LHFPL2: variants seen among roughly 807,000 people sequenced by gnomAD.
LHFPL2 encodes LHFPL tetraspan subfamily member 2.
A neutral mutation model predicts 17.5 loss-of-function variants in LHFPL2; 7 were observed. The ratio of observed to expected loss-of-function variants is 0.40; its 90% CI spans 0.23 to 0.75. The LOEUF is 0.75. Among genes scored for constraint, LHFPL2 ranks in the 30% least tolerant of loss-of-function variants. The pLI is 0.37. For synonymous variants in LHFPL2, 134 were observed against 116.2 expected (o/e 1.15, Z -0.99); for missense variants, 241 against 294.8 (o/e 0.82, Z 1.34).
chr5:78,523,862 A>G (rs1755536317), intron 3 of LHFPL2, among the ~76,000 whole-genome samples: 2 of 152,234 alleles, frequency 1.3e-5, no homozygotes, highest in South Asian at 4.1e-4. Flanking sequence ...AGTCATTACA[A>G]TAAACAGGCA....
chr5:78,640,873 T>C (rs1005890902), intron 1 of LHFPL2, among the ~76,000 whole-genome samples: 2 of 152,188 alleles, frequency 1.3e-5, no homozygotes, highest in East Asian at 1.9e-4. Flanking sequence ...AAGCATTCAC[T>C]GGGGCCTGCT....
rs756734358 is a variant in LHFPL2, at chr5:78,642,970, TC to T, written c.-350+5528del. Among the ~76,000 whole-genome samples, 239 of 151,284 alleles carry T rather than the reference TC, an allele frequency of 1.6e-3. 1 individual carries two copies. Among genetic ancestry groups the T allele is most frequent in the African/African-American group, 4.7e-3 (194 of 41,198 alleles). On this transcript the variant is annotated intron_variant, in intron 1 of 4. Transcript: ENST00000380345. ...GTACTAGCCTCCCAGCTCACCTTGT[TC>T]CCCCCCCTCCTTGTTACCTAGCCCA...
At chr5:78,642,802 A>T (rs1337062340) in intron 1 of LHFPL2, among the ~76,000 whole-genome samples, 1 of 152,154 alleles carries the variant, frequency 6.6e-6, no homozygotes, top group Non-Finnish European at 1.5e-5. Context: ...TGAGGTTCCC[A>T]CAACTGCTTA....
At chr5:78,504,788 G>A (rs79957782) in intron 4 of LHFPL2, among the ~76,000 whole-genome samples, 1 of 152,026 alleles carries the variant, frequency 6.6e-6, no homozygotes, top group Admixed American at 6.6e-5. Flanking sequence ...CCATTCCCAC[G>A]ACCACACACC....
intron 2 of LHFPL2, among the ~76,000 whole-genome samples, chr5:78,592,824 C>G (rs1743690469): frequency 6.6e-6 from 1 of 152,032 alleles, no homozygotes; most frequent in South Asian, 2.1e-4. Flanking sequence ...TTACTCCTGG[C>G]CATCCAGATT....
intron 1 of LHFPL2, among the ~76,000 whole-genome samples, chr5:78,637,605 C>T (rs1745500759): frequency 6.6e-6 from 1 of 152,264 alleles, no homozygotes; most frequent in African/African-American, 2.4e-5. Context: ...TCAGACCTCA[C>T]AGGCCCTCCT....
intron 4 of LHFPL2, among the ~76,000 whole-genome samples, chr5:78,507,282 T>A (rs1754959524): frequency 1.3e-5 from 2 of 151,850 alleles, no homozygotes; most frequent in Admixed American, 6.6e-5. Flanking sequence ...GTGAGCCAAG[T>A]TCCTGCCATT....
intron 4 of LHFPL2, among the ~76,000 whole-genome samples, chr5:78,498,806 AAG>A (rs1398203542): frequency 6.6e-6 from 1 of 152,240 alleles, no homozygotes; most frequent in African/African-American, 2.4e-5. Flanking sequence ...AAATAATAAA[AAG>A]TGGATAACCA....
chr5:78,584,076 G>A (rs1405505981), intron 2 of LHFPL2, among the ~76,000 whole-genome samples: 9 of 150,778 alleles, frequency 6.0e-5, no homozygotes, highest in East Asian at 2.0e-4. Flanking sequence ...TGATCGCATC[G>A]GCTCCTGAGG....
intron 2 of LHFPL2, among the ~76,000 whole-genome samples, chr5:78,599,789 T>G (rs1192443476): frequency 6.6e-6 from 1 of 152,152 alleles, no homozygotes; most frequent in African/African-American, 2.4e-5. Context: ...GCCTTCAGCA[T>G]GTACAACTGC....
intron 3 of LHFPL2, among the ~76,000 whole-genome samples, chr5:78,552,071 G>A (rs923931324): frequency 2.4e-4 from 37 of 151,678 alleles, no homozygotes; most frequent in Admixed American, 5.2e-4. Context: ...AGGCACTCGT[G>A]TATACGTGTT....
At chr5:78,619,683 A>G (rs10474562) in intron 2 of LHFPL2, among the ~76,000 whole-genome samples, 47,865 of 123,970 alleles carry the variant, frequency 0.39, 9,540 homozygotes, top group Middle Eastern at 0.44. Flanking sequence ...CCCAGAGTGT[A>G]ATGATCCCCT....
chr5:78,544,470 A>C (rs1320924338), intron 3 of LHFPL2, among the ~76,000 whole-genome samples: 1 of 152,256 alleles, frequency 6.6e-6, no homozygotes, highest in African/African-American at 2.4e-5. Context: ...AGACATAAAA[A>C]AAAATCTCTA....
intron 4 of LHFPL2, among the ~76,000 whole-genome samples, chr5:78,492,791 C>T (rs563434729): frequency 2.9e-4 from 44 of 152,328 alleles, no homozygotes; most frequent in African/African-American, 8.9e-4. Flanking sequence ...TAATACAAAG[C>T]GGGTGAGGTA....
chr5:78,647,428 T>C (rs1166378376), intron 1 of LHFPL2, among the ~76,000 whole-genome samples: 1 of 152,164 alleles, frequency 6.6e-6, no homozygotes, highest in Non-Finnish European at 1.5e-5. Flanking sequence ...GCTCAGTTAC[T>C]CCGGTTTACC....
chr5:78,558,723 A>G (rs906189566), intron 3 of LHFPL2, among the ~76,000 whole-genome samples: 1 of 152,206 alleles, frequency 6.6e-6, no homozygotes, highest in Non-Finnish European at 1.5e-5. Flanking sequence ...GCAATAATCC[A>G]TCAGACAGAA....
intron 1 of LHFPL2, 68 bp from the exon 2 acceptor site, chr5:78,632,436 C>T (rs533406500): frequency 6.6e-6 from 1 of 152,204 alleles, no homozygotes; most frequent in Non-Finnish European, 1.5e-5. Flanking sequence ...ATGGTTCCAA[C>T]AGAAACCTGC....
intron 2 of LHFPL2, among the ~76,000 whole-genome samples, chr5:78,617,328 C>T (rs1022920664): frequency 6.6e-6 from 1 of 152,190 alleles, no homozygotes; most frequent in African/African-American, 2.4e-5. Context: ...CCATGCCCAG[C>T]CTAGAGTTCC....
At chr5:78,605,392 G>A (rs1744178498) in intron 2 of LHFPL2, among the ~76,000 whole-genome samples, 1 of 152,120 alleles carries the variant, frequency 6.6e-6, no homozygotes, top group African/African-American at 2.4e-5. Context: ...GGAAATACAT[G>A]GCCCTGACAG....
Sources: gnomAD v4.1 joint callset for allele counts (sites outside exome capture counted in the v4.1 genomes callset) on GRCh38, gnomAD v4.1.1 for gene constraint, MANE v1.5 for transcripts, NCBI Gene and HGNC (gene_info 2026-07-23, HGNC 2026-07-21) for gene names.